ENOX1: variants seen among roughly 807,000 people sequenced by gnomAD.
ENOX1 encodes the protein ecto-NOX disulfide-thiol exchanger 1.
Under a neutral mutation model 82.5 loss-of-function variants are expected in ENOX1, and 42 were observed. The ratio of observed to expected loss-of-function variants is 0.51; its 90% CI spans 0.40 to 0.66. The LOEUF (loss-of-function observed/expected upper bound fraction) is 0.66, where lower values mean the gene tolerates loss of function less well. Among genes scored for constraint, ENOX1 ranks in the 30% least tolerant of loss-of-function variants. The pLI is 0.00. For synonymous variants in ENOX1, 271 were observed against 282.2 expected (o/e 0.96, Z 0.40); for missense variants, 608 against 811.6 (o/e 0.75, Z 3.05).
At chr13:43,564,437 C>T (rs1406335743) in intron 2 of ENOX1, among the ~76,000 whole-genome samples, 1 of 151,578 alleles carries the variant, frequency 6.6e-6, no homozygotes, top group Non-Finnish European at 1.5e-5. Flanking sequence ...CTATAATAAA[C>T]AGAAAAGAAA....
intron 1 of ENOX1, among the ~76,000 whole-genome samples, chr13:43,743,698 ATC>A (rs1374950932): frequency 1.3e-5 from 2 of 152,162 alleles, no homozygotes; most frequent in African/African-American, 2.4e-5. Context: ...AATCACGAAG[ATC>A]TCTCTTTCTG....
At chr13:43,568,110 G>A (rs919485839) in intron 2 of ENOX1, among the ~76,000 whole-genome samples, 1 of 152,172 alleles carries the variant, frequency 6.6e-6, no homozygotes, top group East Asian at 1.9e-4. Context: ...TTGTGATAGA[G>A]TAATACTTTT....
chr13:43,379,451 C>T (rs548083814), intron 5 of ENOX1, among the ~76,000 whole-genome samples: 2 of 151,984 alleles, frequency 1.3e-5, no homozygotes, highest in South Asian at 2.1e-4. Context: ...GGAGATTTAA[C>T]ATATTAAATA....
At chr13:43,457,701 G>A (rs2057294140) in intron 3 of ENOX1, among the ~76,000 whole-genome samples, 1 of 152,116 alleles carries the variant, frequency 6.6e-6, no homozygotes, top group Non-Finnish European at 1.5e-5. Flanking sequence ...TCACTGACTT[G>A]GAAGGCAGTT....
At chr13:43,727,457 A>T (rs1274402410) in intron 1 of ENOX1, among the ~76,000 whole-genome samples, 2 of 152,210 alleles carry the variant, frequency 1.3e-5, no homozygotes, top group Non-Finnish European at 2.9e-5. Flanking sequence ...GAACTAGGCC[A>T]TCCTTACAAT....
intron 1 of ENOX1, among the ~76,000 whole-genome samples, chr13:43,732,361 ACT>A (rs764092348): frequency 6.6e-6 from 1 of 152,208 alleles, no homozygotes; most frequent in Non-Finnish European, 1.5e-5. Flanking sequence ...TTCATTTCAC[ACT>A]GTTTGTTCAT....
chr13:43,711,512 G>A lies in ENOX1; in HGVS notation c.-284-43968C>T, dbSNP rs553752422. Among the ~76,000 whole-genome samples the A allele has an allele frequency of 1.2e-4, 19 of 152,240 alleles. 1 individual carries two copies. The highest frequency in any genetic ancestry group is 4.6e-4 in the African/African-American group (19 of 41,516). On this transcript the variant is annotated intron_variant, in intron 1 of 16. Transcript: ENST00000690772. The stretch of plus-strand genomic sequence containing the variant: ...AATCACCATACTGACTTCCACAATG[G>A]TTGAACTAGTTTATAGTCCCACCAA...
chr13:43,389,973 T>G (rs2052671189), intron 5 of ENOX1, among the ~76,000 whole-genome samples: 1 of 152,170 alleles, frequency 6.6e-6, no homozygotes, highest in Non-Finnish European at 1.5e-5. Flanking sequence ...TGACCTAGCC[T>G]GTATGAAAGA....
intron 5 of ENOX1, among the ~76,000 whole-genome samples, chr13:43,397,687 A>G (rs1354540701): frequency 6.6e-6 from 1 of 152,262 alleles, no homozygotes; most frequent in Non-Finnish European, 1.5e-5. Context: ...TATATCTTCT[A>G]TGATAGATAG....
At chr13:43,259,950 G>A (rs2043963079) in intron 14 of ENOX1, among the ~76,000 whole-genome samples, 1 of 152,122 alleles carries the variant, frequency 6.6e-6, no homozygotes, top group Admixed American at 6.5e-5. Context: ...TAGAAGATAC[G>A]GTCCCATTCT....
At chr13:43,360,776 A>G (rs1434792429) in intron 6 of ENOX1, among the ~76,000 whole-genome samples, 4 of 152,180 alleles carry the variant, frequency 2.6e-5, no homozygotes, top group Non-Finnish European at 5.9e-5. Flanking sequence ...AAATTAAAAA[A>G]ATAAAATTCT....
chr13:43,482,185 C>T (rs1206249899), intron 3 of ENOX1, among the ~76,000 whole-genome samples: 2 of 152,176 alleles, frequency 1.3e-5, no homozygotes, highest in Non-Finnish European at 2.9e-5. Flanking sequence ...GAGATATTTA[C>T]ACACTCATGT....
At chr13:43,764,239 C>T (rs1387961974) in intron 1 of ENOX1, among the ~76,000 whole-genome samples, 7 of 152,108 alleles carry the variant, frequency 4.6e-5, no homozygotes, top group Admixed American at 4.6e-4. Flanking sequence ...GCAGTCACAA[C>T]CCTGAAACAT....
At chr13:43,464,675 T>C (rs1313848159) in intron 3 of ENOX1, among the ~76,000 whole-genome samples, 3 of 152,230 alleles carry the variant, frequency 2.0e-5, no homozygotes, top group Admixed American at 2.0e-4. Flanking sequence ...TCCCCCACTG[T>C]TAACATCTCA....
intron 5 of ENOX1, among the ~76,000 whole-genome samples, chr13:43,369,565 A>G (rs897412477): frequency 1.3e-5 from 2 of 152,208 alleles, no homozygotes; most frequent in Admixed American, 6.5e-5. Flanking sequence ...TCATTCTACT[A>G]AAACACACAC....
intron 3 of ENOX1, among the ~76,000 whole-genome samples, chr13:43,466,652 T>C (rs1247109034): frequency 6.6e-6 from 1 of 152,226 alleles, no homozygotes; most frequent in African/African-American, 2.4e-5. Flanking sequence ...AGATATAATT[T>C]ATATAATGTA....
intron 3 of ENOX1, among the ~76,000 whole-genome samples, chr13:43,482,084 A>T (rs1389481169): frequency 5.3e-5 from 8 of 152,300 alleles, no homozygotes; most frequent in Admixed American, 2.6e-4. Flanking sequence ...CAGTATGAAG[A>T]TTCCTCCACA....
At chr13:43,346,418 C>T (rs1056768720) in intron 8 of ENOX1, among the ~76,000 whole-genome samples, 2 of 152,204 alleles carry the variant, frequency 1.3e-5, no homozygotes, top group African/African-American at 4.8e-5. Flanking sequence ...AACCTGCCCC[C>T]CTGCCCTCAC....
chr13:43,492,403 G>T (rs920877435), intron 2 of ENOX1, among the ~76,000 whole-genome samples: 2 of 152,088 alleles, frequency 1.3e-5, no homozygotes, highest in South Asian at 2.1e-4. Context: ...ATTAAAATAG[G>T]GGGTCAGGCC....
Sources: gnomAD v4.1 joint callset for allele counts (sites outside exome capture counted in the v4.1 genomes callset) on GRCh38, gnomAD v4.1.1 for gene constraint, MANE v1.5 for transcripts, NCBI Gene and HGNC (gene_info 2026-07-23, HGNC 2026-07-21) for gene names.